The following TAFA2 variants were observed in gnomAD, a reference collection of about 807,000 sequenced individuals.
The protein encoded by TAFA2 is TAFA chemokine like family member 2, also known as chemokine-like protein TAFA-2.
In TAFA2, 7 loss-of-function variants were observed where a neutral mutation model predicts 18.8. The observed-to-expected ratio is 0.37, with a 90% CI of 0.21 to 0.70. The LOEUF (loss-of-function observed/expected upper bound fraction) is 0.70. Among genes scored for constraint, TAFA2 ranks in the 30% least tolerant of loss-of-function variants. TAFA2 has a pLI of 0.53. For missense variants in TAFA2, 122 were observed against 158.1 expected (o/e 0.77, Z 1.23); for synonymous variants, 60 against 54.2 (o/e 1.11, Z -0.47).
chr12:62,024,524 G>T (rs1881252656), intron 1 of TAFA2, among the ~76,000 whole-genome samples: 1 of 152,080 alleles, frequency 6.6e-6, no homozygotes, highest in Non-Finnish European at 1.5e-5. Flanking sequence ...ATAAAACTTA[G>T]AAAACACCAA....
intron 1 of TAFA2, chr12:61,879,881 A>G: frequency 1.1e-6 from 1 of 912,896 alleles, no homozygotes; most frequent in Non-Finnish European, 1.8e-6. Flanking sequence ...CAATAAGCAT[A>G]CAGAGATGGA....
chr12:62,086,392 A>G (rs1033879270), intron 1 of TAFA2, among the ~76,000 whole-genome samples: 33 of 152,160 alleles, frequency 2.2e-4, no homozygotes, highest in African/African-American at 8.0e-4. Flanking sequence ...TTTGCCAATC[A>G]TATACCTGAT....
At chr12:62,028,695 A>G (rs553765355) in intron 1 of TAFA2, among the ~76,000 whole-genome samples, 509 of 152,322 alleles carry the variant, frequency 3.3e-3, no homozygotes, top group Non-Finnish European at 5.2e-3. Flanking sequence ...TCTCAAAGCT[A>G]CTGACAGCCA....
At chr12:61,792,512 T>A (rs1185148881) in intron 2 of TAFA2, among the ~76,000 whole-genome samples, 2 of 151,496 alleles carry the variant, frequency 1.3e-5, no homozygotes, top group African/African-American at 4.8e-5. Flanking sequence ...GCCCCATAAG[T>A]ACAATTATTT....
intron 2 of TAFA2, among the ~76,000 whole-genome samples, chr12:61,780,755 A>C (rs761885423): frequency 6.6e-6 from 1 of 151,746 alleles, no homozygotes; most frequent in African/African-American, 2.4e-5. Flanking sequence ...TCCAGTGTTT[A>C]AAAATTCTCC....
intron 1 of TAFA2, among the ~76,000 whole-genome samples, chr12:62,236,819 G>A (rs1446852012): frequency 6.6e-6 from 1 of 152,160 alleles, no homozygotes; most frequent in Non-Finnish European, 1.5e-5. Flanking sequence ...TCTGCTGTTA[G>A]ATGAAAATGA....
chr12:61,820,122 C>A (rs1262744990), intron 2 of TAFA2, among the ~76,000 whole-genome samples: 1 of 151,964 alleles, frequency 6.6e-6, no homozygotes, highest in Admixed American at 6.6e-5. Context: ...TTTGTCCCAC[C>A]CCAACAGTTA....
intron 1 of TAFA2, among the ~76,000 whole-genome samples, chr12:62,089,464 A>T (rs1025027230): frequency 2.6e-5 from 4 of 151,976 alleles, no homozygotes; most frequent in South Asian, 2.1e-4. Context: ...GATTTTTTTT[A>T]AATTTCAGTA....
intron 1 of TAFA2, among the ~76,000 whole-genome samples, chr12:62,217,962 G>GTATT (rs544456816): frequency 0.014 from 1,879 of 131,596 alleles, 7 homozygotes; most frequent in Non-Finnish European, 0.018. Context: ...CTATTTTTAT[G>GTATT]TATGTATTTA....
At chr12:61,786,545 T>C (rs1453096239) in intron 2 of TAFA2, among the ~76,000 whole-genome samples, 1 of 151,570 alleles carries the variant, frequency 6.6e-6, no homozygotes, top group Non-Finnish European at 1.5e-5. Context: ...AACAAAGACA[T>C]TAAATCAGTT....
At chr12:61,822,851 A>C (rs1872376997) in intron 2 of TAFA2, among the ~76,000 whole-genome samples, 1 of 152,174 alleles carries the variant, frequency 6.6e-6, no homozygotes, top group African/African-American at 2.4e-5. Flanking sequence ...ATTCATGTTG[A>C]AAGAAATACT....
At chr12:62,238,896 T>G (rs1451862472) in intron 1 of TAFA2, among the ~76,000 whole-genome samples, 1 of 152,252 alleles carries the variant, frequency 6.6e-6, no homozygotes, top group Non-Finnish European at 1.5e-5. Context: ...CCACTCTTGC[T>G]CTGCCACTGC....
intron 1 of TAFA2, among the ~76,000 whole-genome samples, chr12:61,988,789 G>A (rs556917374): frequency 6.6e-6 from 1 of 152,236 alleles, no homozygotes; most frequent in South Asian, 2.1e-4. Flanking sequence ...GGCTGTCTGT[G>A]CAAGCTTGGG....
At chr12:61,987,232 G>T (rs1879850629) in intron 1 of TAFA2, among the ~76,000 whole-genome samples, 1 of 152,148 alleles carries the variant, frequency 6.6e-6, no homozygotes, top group South Asian at 2.1e-4. Flanking sequence ...ATCATAATGT[G>T]CTTCCTTGCA....
At chr12:61,835,135 A>C (rs1213366167) in intron 2 of TAFA2, among the ~76,000 whole-genome samples, 1 of 151,998 alleles carries the variant, frequency 6.6e-6, no homozygotes, top group Non-Finnish European at 1.5e-5. Flanking sequence ...TCTTCTTCTG[A>C]CTATAAAATA....
intron 2 of TAFA2, among the ~76,000 whole-genome samples, chr12:61,823,606 G>A (rs1040577567): frequency 6.6e-6 from 1 of 152,054 alleles, no homozygotes; most frequent in Non-Finnish European, 1.5e-5. Flanking sequence ...CCTGGTCATC[G>A]CATTCTGCAT....
chr12:61,903,135 T>A (rs1009437853), intron 1 of TAFA2, among the ~76,000 whole-genome samples: 9 of 152,162 alleles, frequency 5.9e-5, no homozygotes, highest in Non-Finnish European at 1.2e-4. Context: ...CATGTGTAAA[T>A]CTCACCACTG....
intron 2 of TAFA2, among the ~76,000 whole-genome samples, chr12:61,850,620 G>A (rs1873601629): frequency 6.6e-6 from 1 of 151,710 alleles, no homozygotes; most frequent in Non-Finnish European, 1.5e-5. Flanking sequence ...TTCTGAAATA[G>A]GAAGATTTAT....
chr12:61,995,621 A>G (rs1880159478), intron 1 of TAFA2, among the ~76,000 whole-genome samples: 1 of 152,166 alleles, frequency 6.6e-6, no homozygotes, highest in African/African-American at 2.4e-5. Context: ...CACATGTTGA[A>G]TGAATTGATA....
Sources: allele counts gnomAD v4.1 joint callset (sites outside exome capture counted in the v4.1 genomes callset), GRCh38; gene constraint gnomAD v4.1.1; transcripts MANE v1.5; gene names NCBI Gene and HGNC (gene_info 2026-07-23, HGNC 2026-07-21).